The following SYT1 variants were observed in gnomAD, a reference collection of about 807,000 sequenced individuals.
The protein encoded by SYT1 is synaptotagmin 1.
A neutral mutation model predicts 44.8 loss-of-function variants in SYT1; 8 were observed. That is an observed-to-expected ratio of 0.18 (90% CI 0.10 to 0.32). The LOEUF (loss-of-function observed/expected upper bound fraction) is 0.32, where lower values mean the gene tolerates loss of function less well. Ranked by LOEUF, SYT1 falls within the 10% of genes least tolerant of loss-of-function variation. The pLI is 1.00. For missense variants in SYT1, 286 were observed against 509.3 expected (o/e 0.56, Z 4.22); for synonymous variants, 154 against 188.8 (o/e 0.82, Z 1.51).
At chr12:79,139,514 A>G (rs1479527388) in intron 3 of SYT1, among the ~76,000 whole-genome samples, 1 of 152,130 alleles carries the variant, frequency 6.6e-6, no homozygotes, top group Non-Finnish European at 1.5e-5. Context: ...TTCCATAGTT[A>G]TTTTATCTTC....
intron 3 of SYT1, among the ~76,000 whole-genome samples, chr12:79,083,315 C>T (rs947096841): frequency 6.6e-6 from 1 of 151,962 alleles, no homozygotes; most frequent in African/African-American, 2.4e-5. Context: ...AAATTAGTAC[C>T]ACTGCAAAGG....
At chr12:79,144,678 C>T (rs1869768237) in intron 3 of SYT1, among the ~76,000 whole-genome samples, 1 of 152,240 alleles carries the variant, frequency 6.6e-6, no homozygotes, top group African/African-American at 2.4e-5. Flanking sequence ...AACCTCTTCA[C>T]ACCCTGGCTC....
Position 78,981,072 on chromosome 12 carries a change from T to G in SYT1, c.-84+3141T>G, listed in dbSNP as rs544749534. On this transcript the variant is annotated intron_variant, in intron 2 of 10. Transcript: ENST00000261205. ...CTTATAATCCAGAAGAACAGGTGTA[T>G]TCAATGGTTTGTTTGTTTTTGTGTT... 2.6e-4 allele frequency among the ~76,000 whole-genome samples: 39 copies of G among 152,096 alleles called. 2 individuals are homozygous for G. In the South Asian group the frequency reaches 8.1e-3, roughly 32 times the overall value.
At chr12:78,980,916 G>C (rs1444191586) in intron 2 of SYT1, among the ~76,000 whole-genome samples, 1 of 151,982 alleles carries the variant, frequency 6.6e-6, no homozygotes, top group African/African-American at 2.4e-5. Context: ...TCCTGAGCCA[G>C]GGGGGAGAGG....
intron 4 of SYT1, among the ~76,000 whole-genome samples, chr12:79,250,220 C>T (rs1169079087): frequency 2.0e-5 from 3 of 152,106 alleles, no homozygotes; most frequent in African/African-American, 7.2e-5. Context: ...TTGAACATCC[C>T]TTTTATAGAA....
intron 1 of SYT1, among the ~76,000 whole-genome samples, chr12:78,878,059 A>G (rs779731803): frequency 1.3e-5 from 2 of 151,842 alleles, no homozygotes; most frequent in Non-Finnish European, 2.9e-5. Flanking sequence ...GATTCACGTC[A>G]GTTGGCTACC....
At chr12:78,958,285 C>G (rs17046105) in intron 1 of SYT1, among the ~76,000 whole-genome samples, 22,048 of 152,086 alleles carry the variant, frequency 0.14, 1,927 homozygotes, top group East Asian at 0.3. Context: ...CAAATCCAAA[C>G]AAAACAAGTT....
intron 3 of SYT1, among the ~76,000 whole-genome samples, chr12:79,178,703 C>T (rs1481299304): frequency 1.3e-5 from 2 of 151,530 alleles, no homozygotes; most frequent in Admixed American, 1.3e-4. Context: ...TAGAATGTTT[C>T]CTCACTTTTC....
chr12:79,108,123 A>T (rs1878816988), intron 3 of SYT1, among the ~76,000 whole-genome samples: 1 of 152,130 alleles, frequency 6.6e-6, no homozygotes, highest in South Asian at 2.1e-4. Context: ...AAAAGAGCAA[A>T]GATGAAGATA....
In SYT1 at chr12:79,285,822, G is replaced by T. The variant is rs1193400094; in HGVS notation, c.202G>T (p.Ala68Ser). 11 of 1,611,038 alleles carry T rather than the reference G, an allele frequency of 6.8e-6. No homozygotes were observed. Among genetic ancestry groups the T allele is most frequent in the Non-Finnish European group, 9.3e-6 (11 of 1,179,280 alleles). The change falls in exon 5 of 11, where the codon GCA becomes TCA. Residue 68 changes from alanine to serine, a missense_variant. Coordinates refer to ENST00000261205, the MANE Select transcript of SYT1 (RefSeq NM_005639.3). The stretch of plus-strand genomic sequence containing the variant: ...GGCCTTAATTGCAATAGCCATAGTC[G>T]CAGTCCTTTTAGTCCTGACCTGCTG... ...PWALIAIAIVAVLLVLTCCFC... is the reference protein window; with the variant it reads ...PWALIAIAIVSVLLVLTCCFC...
At chr12:78,889,541 T>C (rs1025240861) in intron 1 of SYT1, among the ~76,000 whole-genome samples, 1 of 151,954 alleles carries the variant, frequency 6.6e-6, no homozygotes, top group Admixed American at 6.6e-5. Flanking sequence ...AGAAATGTTA[T>C]TTATGAAAGT....
At chr12:79,025,269 T>C (rs1348947439) in intron 2 of SYT1, among the ~76,000 whole-genome samples, 2 of 151,810 alleles carry the variant, frequency 1.3e-5, no homozygotes, top group African/African-American at 2.4e-5. Flanking sequence ...TTTACTTCAA[T>C]GTGAATCATG....
chr12:79,059,908 A>G (rs1174018504), intron 3 of SYT1, among the ~76,000 whole-genome samples: 1 of 152,126 alleles, frequency 6.6e-6, no homozygotes, highest in South Asian at 2.1e-4. Flanking sequence ...AGGCAAACCA[A>G]CTTGCTCAAA....
At chr12:79,344,682 CCTGGG>C (rs1882529473) in intron 8 of SYT1, among the ~76,000 whole-genome samples, 1 of 152,116 alleles carries the variant, frequency 6.6e-6, no homozygotes, top group African/African-American at 2.4e-5. Context: ...GTCTCAAACT[CCTGGG>C]CTCAAGCAGT....
chr12:79,346,782 G>C (rs149008021), intron 8 of SYT1, among the ~76,000 whole-genome samples: 2 of 152,298 alleles, frequency 1.3e-5, no homozygotes, highest in East Asian at 1.9e-4. Context: ...CAGATGACTG[G>C]TGAGGACCTC....
At chr12:78,873,026 C>T (rs962472636) in intron 1 of SYT1, among the ~76,000 whole-genome samples, 9 of 151,652 alleles carry the variant, frequency 5.9e-5, no homozygotes, top group Non-Finnish European at 1.3e-4. Context: ...TCTATTTTGC[C>T]ATTGCAATGG....
chr12:79,431,762 C>T (rs1276346929), intron 9 of SYT1, among the ~76,000 whole-genome samples: 1 of 152,072 alleles, frequency 6.6e-6, no homozygotes, highest in Non-Finnish European at 1.5e-5. Context: ...AGGCTGGTCT[C>T]GAACTCCTGA....
At chr12:78,878,188 T>G (rs1403884529) in intron 1 of SYT1, among the ~76,000 whole-genome samples, 1 of 151,634 alleles carries the variant, frequency 6.6e-6, no homozygotes, top group Non-Finnish European at 1.5e-5. Context: ...CGGAAGAGGA[T>G]ACACGAAAGG....
chr12:79,135,590 A>G (rs1420538009), intron 3 of SYT1, among the ~76,000 whole-genome samples: 1 of 152,158 alleles, frequency 6.6e-6, no homozygotes, highest in Non-Finnish European at 1.5e-5. Context: ...AAAAATTACA[A>G]GCTACTTGGG....
Sources: gnomAD v4.1 joint callset for allele counts (sites outside exome capture counted in the v4.1 genomes callset) on GRCh38, gnomAD v4.1.1 for gene constraint, MANE v1.5 for transcripts, NCBI Gene and HGNC (gene_info 2026-07-23, HGNC 2026-07-21) for gene names.